RAD51B: variants seen among roughly 807,000 people sequenced by gnomAD.
RAD51B encodes the protein DNA repair protein RAD51 homolog 2.
RAD51B carries 38 observed loss-of-function variants against 42.2 expected under a neutral mutation model. The ratio of observed to expected loss-of-function variants is 0.90; its 90% CI spans 0.70 to 1.18. The LOEUF is 1.18. Among genes scored for constraint, RAD51B ranks in the 50% most tolerant of loss-of-function variants. The pLI, the probability that RAD51B is intolerant of heterozygous loss-of-function variation, is 0.00. For missense variants in RAD51B, 373 were observed against 400.7 expected, an observed-to-expected ratio of 0.93 and a Z score of 0.59; for synonymous variants, 154 against 145.2, an observed-to-expected ratio of 1.06 and a Z score of -0.43.
chr14:68,150,912 C>A lies in RAD51B; in HGVS notation c.757-140972C>A, dbSNP rs578197901. Among the ~76,000 whole-genome samples the A allele has an allele frequency of 6.6e-5, 10 of 152,054 alleles. No individual in the cohort carries two copies. The South Asian group carries it at 1.0e-3, about 16-fold the overall frequency. On this transcript the variant is annotated intron_variant, in intron 7 of 10. Transcript: ENST00000471583. Reference sequence around the variant, plus strand: ...ACATAAATATACTTTAGTTATAAATCCCACACTGAGTTTTATTTTAGTCAA... The same window carrying A: ...ACATAAATATACTTTAGTTATAAATACCACACTGAGTTTTATTTTAGTCAA...
chr14:68,166,888 C>T (rs567257091), intron 7 of RAD51B, among the ~76,000 whole-genome samples: 13 of 152,206 alleles, frequency 8.5e-5, no homozygotes, highest in African/African-American at 2.9e-4. Flanking sequence ...AAACCCTCAC[C>T]CCATTTCCTC....
intron 7 of RAD51B, among the ~76,000 whole-genome samples, chr14:68,001,765 C>A (rs146894012): frequency 6.6e-6 from 1 of 152,224 alleles, no homozygotes; most frequent in African/African-American, 2.4e-5. Context: ...TTCTCATCAT[C>A]CAGCTCCTAC....
At chr14:68,525,539 C>T (rs1886867339) in intron 10 of RAD51B, among the ~76,000 whole-genome samples, 1 of 152,334 alleles carries the variant, frequency 6.6e-6, no homozygotes, top group East Asian at 1.9e-4. Flanking sequence ...TGGGAATTCT[C>T]ATGGTTCTCC....
At position 68,152,282 on chromosome 14, in the gene RAD51B, C is replaced by T. The variant is rs146014187; in HGVS notation, c.757-139602C>T. Among the ~76,000 whole-genome samples the T allele has an allele frequency of 3.6e-3, 541 of 152,292 alleles. 5 individuals carry two copies. The highest frequency in any genetic ancestry group is 0.013 in the African/African-American group (525 of 41,548). On this transcript the variant is annotated intron_variant, in intron 7 of 10. Transcript: ENST00000471583. ...TCCTCCCCATGGAAATGTTATATCACACCTTATCAGACCACATATATGAAC... is the reference window on the plus strand; with the variant it reads ...TCCTCCCCATGGAAATGTTATATCATACCTTATCAGACCACATATATGAAC...
At chr14:68,339,807 T>TA (rs2082535061) in intron 8 of RAD51B, among the ~76,000 whole-genome samples, 1 of 152,240 alleles carries the variant, frequency 6.6e-6, no homozygotes, top group African/African-American at 2.4e-5. Flanking sequence ...CTGCCTCTCC[T>TA]AAGTAGTAAA....
intron 7 of RAD51B, among the ~76,000 whole-genome samples, chr14:68,062,001 T>G (rs2076574863): frequency 6.6e-6 from 1 of 152,224 alleles, no homozygotes; most frequent in Admixed American, 6.5e-5. Flanking sequence ...ACATTCAACT[T>G]TTTCACCATA....
intron 11 of RAD51B, among the ~76,000 whole-genome samples, chr14:68,660,276 G>A (rs751146935): frequency 1.4e-4 from 21 of 152,228 alleles, no homozygotes; most frequent in Non-Finnish European, 2.8e-4. Context: ...ATACCGGGCT[G>A]GACACGTGAG....
intron 8 of RAD51B, among the ~76,000 whole-genome samples, chr14:68,343,294 G>T (rs373358749): frequency 2.0e-5 from 3 of 152,092 alleles, no homozygotes; most frequent in South Asian, 4.1e-4. Context: ...TCAATCCAAA[G>T]GTTGTCGCTT....
intron 7 of RAD51B, among the ~76,000 whole-genome samples, chr14:67,982,171 G>A (rs1316334744): frequency 6.6e-6 from 1 of 152,078 alleles, no homozygotes; most frequent in African/African-American, 2.4e-5. Context: ...CTGACCTCAG[G>A]TGATTCACCT....
At chr14:68,267,542 A>ATAT in intron 7 of RAD51B, among the ~76,000 whole-genome samples, 2 of 152,278 alleles carry the variant, frequency 1.3e-5, no homozygotes, top group Admixed American at 1.3e-4. Flanking sequence ...GCAAACACTA[A>ATAT]TATTAATAAA....
At chr14:68,365,037 A>G (rs947777676) in intron 8 of RAD51B, among the ~76,000 whole-genome samples, 3 of 152,130 alleles carry the variant, frequency 2.0e-5, no homozygotes, top group African/African-American at 7.2e-5. Context: ...TTAGCGTGGC[A>G]GGAATGTAGT....
At chr14:68,668,136 T>C (rs1025058710) in intron 11 of RAD51B, among the ~76,000 whole-genome samples, 6 of 152,190 alleles carry the variant, frequency 3.9e-5, no homozygotes, top group African/African-American at 1.4e-4. Context: ...CTCATTTTTC[T>C]TCTCCCCAGT....
At chr14:67,968,214 A>G (rs2074825058) in intron 7 of RAD51B, among the ~76,000 whole-genome samples, 1 of 151,962 alleles carries the variant, frequency 6.6e-6, no homozygotes, top group Non-Finnish European at 1.5e-5. Flanking sequence ...AGCCCATGAA[A>G]CCATTTTTTC....
chr14:68,142,010 A>C (rs533515360), intron 7 of RAD51B, among the ~76,000 whole-genome samples: 2 of 152,306 alleles, frequency 1.3e-5, no homozygotes, highest in South Asian at 4.1e-4. Context: ...TTTATGTCAG[A>C]AGCATCCTTT....
intron 8 of RAD51B, among the ~76,000 whole-genome samples, chr14:68,398,208 A>G (rs2083983700): frequency 6.6e-6 from 1 of 152,242 alleles, no homozygotes; most frequent in Non-Finnish European, 1.5e-5. Flanking sequence ...TTTGGTGGTC[A>G]AGTCACTTCT....
Position 68,501,132 on chromosome 14 carries a change from C to T in RAD51B, c.1036+32882C>T, listed in dbSNP as rs190673328. On this transcript the variant is annotated intron_variant, in intron 10 of 10. Coordinates refer to the RAD51B transcript ENST00000487270. ...CCCAGATTTCAGGTTGGAGGGAGTT[C>T]GGCTTCAGAGAGACAATCCACAGGC... Among the ~76,000 whole-genome samples, 14 of 152,216 alleles carry T rather than the reference C, an allele frequency of 9.2e-5. No individual in the cohort carries two copies. In the East Asian group the frequency reaches 1.4e-3, roughly 15 times the overall value.
rs1263502197 is a variant in RAD51B at position 68,644,429 on chromosome 14, C to T, written c.1037-6352C>T. Among the ~76,000 whole-genome samples the T allele has an allele frequency of 3.3e-5, 5 of 152,190 alleles. No homozygotes were observed. In the East Asian group the frequency reaches 5.8e-4, roughly 18 times the overall value. ...GAGGGACCCTGGAATCCATCAGTGG[C>T]TTTCAAGCCCCCTGAGGCACACAGG... On this transcript the variant is annotated intron_variant, in intron 10 of 11. Transcript: ENST00000488612.
intron 9 of RAD51B, among the ~76,000 whole-genome samples, chr14:68,439,258 G>C (rs1023937024): frequency 6.6e-6 from 1 of 151,650 alleles, no homozygotes; most frequent in African/African-American, 2.4e-5. Flanking sequence ...TCCTCTCCAC[G>C]ATCCCTTTGC....
intron 10 of RAD51B, among the ~76,000 whole-genome samples, chr14:68,551,777 G>A (rs769839049): frequency 3.9e-5 from 6 of 152,172 alleles, no homozygotes; most frequent in Non-Finnish European, 8.8e-5. Flanking sequence ...TGCAGGCACT[G>A]GGGTCTCTCC....
Sources: allele counts gnomAD v4.1 joint callset (sites outside exome capture counted in the v4.1 genomes callset), GRCh38; gene constraint gnomAD v4.1.1; transcripts MANE v1.5; gene names NCBI Gene and HGNC (gene_info 2026-07-23, HGNC 2026-07-21).